Variants in DLEC1 observed in about 807,000 individuals in gnomAD.
DLEC1 encodes the protein DLEC1 cilia and flagella associated protein.
A neutral mutation model predicts 198.1 loss-of-function variants in DLEC1; 146 were observed. The ratio of observed to expected loss-of-function variants is 0.74; its 90% confidence interval spans 0.64 to 0.85. The LOEUF (loss-of-function observed/expected upper bound fraction) is 0.85, where lower values mean the gene tolerates loss of function less well. DLEC1 is among the 40% of genes least tolerant of loss of function. The probability of loss-of-function intolerance (pLI) is 0.00; values close to 1 mark genes in which losing one functional copy is unlikely to be tolerated. For synonymous variants in DLEC1, 897 were observed against 866.8 expected (o/e 1.03, Z -0.61); for missense variants, 2,233 against 2,220.0 (o/e 1.01, Z -0.12).
At chr3:38,041,271 G>A (rs182103288) in intron 1 of DLEC1, among the ~76,000 whole-genome samples, 5 of 151,796 alleles carry the variant, frequency 3.3e-5, no homozygotes, top group African/African-American at 1.2e-4. Flanking sequence ...CAAAGTGTTG[G>A]GATTACAGGC....
chr3:38,107,847 C>A, intron 20 of DLEC1, 110 bp downstream of exon 20: 1 of 1,251,620 alleles, frequency 8.0e-7, no homozygotes, highest in Non-Finnish European at 1.1e-6. Context: ...GATACTCAGC[C>A]TCCCTCCCAC....
In DLEC1 at chr3:38,122,211, C is replaced by T. The variant is rs1700512565; in HGVS notation, c.5144+17C>T. On this transcript the variant is annotated intron_variant, in intron 36 of 36. Transcript: ENST00000308059. Reference sequence around the variant, plus strand: ...CACTGCCAGGTGCAGCCCCTTCCAACCTTCCCCAAACTGCCCACAGAGCCT... The same window carrying T: ...CACTGCCAGGTGCAGCCCCTTCCAATCTTCCCCAAACTGCCCACAGAGCCT... 1.2e-6 allele frequency: 2 copies of T among 1,612,200 alleles called. No individual in the cohort carries two copies. The highest frequency in any genetic ancestry group is 1.7e-6 in the Non-Finnish European group (2 of 1,178,744).
In DLEC1 at chr3:38,062,728, G is replaced by A. The variant is rs367592008; in HGVS notation, c.1021G>A (p.Gly341Ser). Reference sequence around the variant, plus strand: ...TTTTCCTCCTAACACTCGATATGGAGGCAAGTCTCTTGTTTTTCCTCCAAA... The same window carrying A: ...TTTTCCTCCTAACACTCGATATGGAAGCAAGTCTCTTGTTTTTCCTCCAAA... Reference protein sequence around the residue: ...RFFPPNTRYGGKSLVFPPKKP... With the variant: ...RFFPPNTRYGSKSLVFPPKKP... The change falls in exon 5 of 37, where the codon GGC becomes AGC. Residue 341 changes from glycine (G) to serine (S), a missense_variant. Transcript: ENST00000308059. 1.2e-6 allele frequency: 2 copies of A among 1,613,952 alleles called. No homozygotes were observed. The highest frequency in any genetic ancestry group is 1.7e-6 in the Non-Finnish European group (2 of 1,180,020).
intron 12 of DLEC1, 30 bp from the exon 13 acceptor site, chr3:38,094,849 G>A (rs780952984): frequency 1.9e-6 from 3 of 1,608,966 alleles, no homozygotes; most frequent in Admixed American, 1.7e-5. Context: ...GCAGAACTGG[G>A]ACATGGCCTT....
chr3:38,074,839 G>T (rs980787529), intron 6 of DLEC1, among the ~76,000 whole-genome samples: 1 of 152,178 alleles, frequency 6.6e-6, no homozygotes, highest in Non-Finnish European at 1.5e-5. Context: ...ATTTAGTGGG[G>T]TCTGATGAGA....
At chr3:38,082,841 T>C (rs1253755109) in intron 6 of DLEC1, among the ~76,000 whole-genome samples, 1 of 152,178 alleles carries the variant, frequency 6.6e-6, no homozygotes, top group Non-Finnish European at 1.5e-5. Flanking sequence ...CCTCCCTGCG[T>C]GGTCTGACAC....
rs191952863 is a variant in DLEC1 at position 38,085,152 on chromosome 3, C to T, written c.1262-122C>T. On this transcript the variant is annotated intron_variant, in intron 7 of 36. Transcript: ENST00000308059. ...TGCCCTTTTCCTGCCATCAGCGTGGCTTTGGCCCAGAAGGCACTTACAGAG... is the reference window on the plus strand; with the variant it reads ...TGCCCTTTTCCTGCCATCAGCGTGGTTTTGGCCCAGAAGGCACTTACAGAG... 4.5e-4 allele frequency: 498 copies of T among 1,097,412 alleles called. 2 individuals carry two copies. The African/African-American group carries it at 6.8e-3, about 15-fold the overall frequency. The allele number at this position is 1,097,412 out of a possible 1,614,324, so 68.0% of individuals were successfully genotyped here.
At chr3:38,117,122 TG>T in intron 30 of DLEC1, 22 bp downstream of exon 30, 2 of 1,613,556 alleles carry the variant, frequency 1.2e-6, no homozygotes, top group Non-Finnish European at 1.7e-6. Flanking sequence ...CGGCCTGGGG[TG>T]GGGGCCGCAG....
intron 7 of DLEC1, 98 bp downstream of exon 7, chr3:38,084,343 TA>T: frequency 9.4e-7 from 1 of 1,069,106 alleles, no homozygotes; most frequent in Non-Finnish European, 1.4e-6. Context: ...GTAGCAATGA[TA>T]GTAGTAGTGG....
chr3:38,064,006 T>TTA, intron 6 of DLEC1, 87 bp downstream of exon 6: 3 of 812,948 alleles, frequency 3.7e-6, no homozygotes, highest in Non-Finnish European at 5.5e-6. Flanking sequence ...CTTTTTTTTT[T>TTA]CTTTTTTTTT....
Position 38,107,374 on chromosome 3 carries a change from CAT to C in DLEC1, c.2865-209_2865-208del, listed in dbSNP as rs72382965. Among the ~76,000 whole-genome samples, 899 of 152,222 alleles carry C rather than the reference CAT, an allele frequency of 5.9e-3. 7 individuals carry two copies. Among genetic ancestry groups the C allele is most frequent in the African/African-American group, 0.02 (819 of 41,528 alleles). Reference sequence around the variant, plus strand: ...ACTATATTTTAAATTTCGATTTCCACATGTTTGTTGTTAGTATATAAAAATGT... The same window carrying C: ...ACTATATTTTAAATTTCGATTTCCACGTTTGTTGTTAGTATATAAAAATGT... On this transcript the variant is annotated intron_variant, in intron 19 of 36. Coordinates refer to ENST00000308059, the MANE Select transcript of DLEC1 (RefSeq NM_007335.4).
intron 7 of DLEC1, 131 bp downstream of exon 7, chr3:38,084,376 T>C: frequency 1.3e-6 from 1 of 762,346 alleles, no homozygotes; most frequent in Non-Finnish European, 2.1e-6. Flanking sequence ...GTAGTAGTGA[T>C]GGTGGTAGTA....
chr3:38,095,567 G>A, intron 13 of DLEC1: 1 of 358,814 alleles, frequency 2.8e-6, no homozygotes. Context: ...TCTGGTCCCA[G>A]CATCCAGCTG....
At chr3:38,059,946 A>C in intron 3 of DLEC1, 94 bp downstream of exon 3, 5 of 1,052,338 alleles carry the variant, frequency 4.8e-6, no homozygotes, top group Non-Finnish European at 7.0e-6. Context: ...CCTTGCTCAG[A>C]GGTTTTTTTC....
At chr3:38,056,761 A>G (rs1454795138) in intron 2 of DLEC1, among the ~76,000 whole-genome samples, 1 of 152,284 alleles carries the variant, frequency 6.6e-6, no homozygotes, top group East Asian at 1.9e-4. Flanking sequence ...CACAAAAGCA[A>G]ATATAACGAA....
chr3:38,116,923 T>C lies in DLEC1; in HGVS notation c.4179+34T>C, dbSNP rs570987710. The C allele has an allele frequency of 6.2e-6, 10 of 1,612,168 alleles. No homozygotes were observed. The East Asian group carries it at 8.9e-5, about 14-fold the overall frequency. On this transcript the variant is annotated intron_variant, in intron 29 of 36. Coordinates refer to ENST00000308059, the MANE Select transcript of DLEC1 (RefSeq NM_007335.4). The stretch of plus-strand genomic sequence containing the variant: ...GGGTATGGGCTGGGAGCTGTCTGCA[T>C]TGGCCGGCCAGTGGGCATGGGACAG...
In DLEC1 at chr3:38,112,413, C is replaced by T; in HGVS notation, c.3666+52C>T. ...CTGGGGGGTGGAGAGTCTGCCCAGC[C>T]CTCGCCTTCAGCCTCTCTCCCCTCC... On this transcript the variant is annotated intron_variant, in intron 25 of 36. Transcript: ENST00000308059. The surrounding 1 kb of genome is among the most constrained non-coding windows in gnomAD (Gnocchi z 4.8). 1.3e-6 allele frequency: 2 copies of T among 1,599,704 alleles called. No individual in the cohort carries two copies. Among genetic ancestry groups the T allele is most frequent in the South Asian group, 1.1e-5 (1 of 90,720 alleles).
In DLEC1 at chr3:38,063,986, T is replaced by C; in HGVS notation, c.1173+67T>C. On this transcript the variant is annotated intron_variant, in intron 6 of 36. Coordinates refer to ENST00000308059, the MANE Select transcript of DLEC1 (RefSeq NM_007335.4). ...TCTTATTTTTAAAAAGTCTTTATTATGGAAATTTTCTTTTTTTTTTCTTTT... is the reference window on the plus strand; with the variant it reads ...TCTTATTTTTAAAAAGTCTTTATTACGGAAATTTTCTTTTTTTTTTCTTTT... 7.2e-6 allele frequency: 8 copies of C among 1,113,418 alleles called. No individual in the cohort carries two copies. The South Asian group carries it at 1.2e-4, about 17-fold the overall frequency. The allele number at this position is 1,113,418 out of a possible 1,614,324, so 69.0% of individuals were successfully genotyped here.
intron 20 of DLEC1, 135 bp from the exon 21 acceptor site, chr3:38,108,270 A>AGGTGGG: frequency 1.4e-6 from 1 of 693,546 alleles, no homozygotes. Context: ...GTGAGCACCC[A>AGGTGGG]GCCCTGTCGG....
Sources: allele counts gnomAD v4.1 joint callset (sites outside exome capture counted in the v4.1 genomes callset), GRCh38; gene constraint gnomAD v4.1.1; non-coding constraint Gnocchi (gnomAD v3.1); transcripts MANE v1.5; gene names NCBI Gene and HGNC (gene_info 2026-07-23, HGNC 2026-07-21).